EPHB1: variants seen among roughly 807,000 people sequenced by gnomAD.
EPHB1 encodes EPH receptor B1.
Under a neutral mutation model 94.4 loss-of-function variants are expected in EPHB1, and 30 were observed. The ratio of observed to expected loss-of-function variants is 0.32; its 90% CI spans 0.24 to 0.43. The LOEUF is 0.43. Ranked by LOEUF, EPHB1 falls within the 20% of genes least tolerant of loss-of-function variation. The pLI is 1.00. For synonymous variants in EPHB1, 522 were observed against 489.1 expected, an observed-to-expected ratio of 1.07 and a Z score of -0.89; for missense variants, 1,055 against 1,308.3, an observed-to-expected ratio of 0.81 and a Z score of 2.99.
At chr3:135,223,347 C>T (rs1207592046) in intron 12 of EPHB1, among the ~76,000 whole-genome samples, 2 of 152,232 alleles carry the variant, frequency 1.3e-5, no homozygotes, top group Non-Finnish European at 2.9e-5. Flanking sequence ...AGCAGCTCCT[C>T]TCTTACCTAT....
chr3:134,984,831 G>A (rs1934537011), intron 3 of EPHB1, among the ~76,000 whole-genome samples: 1 of 152,282 alleles, frequency 6.6e-6, no homozygotes. Flanking sequence ...CTGAGTGCGG[G>A]GGCTAGGGGC....
intron 4 of EPHB1, among the ~76,000 whole-genome samples, chr3:135,109,576 A>C (rs1368658751): frequency 1.3e-5 from 2 of 152,232 alleles, no homozygotes; most frequent in African/African-American, 4.8e-5. Context: ...TCTGAAAATA[A>C]AAGTGATGTT....
chr3:135,091,982 A>C (rs184085062), intron 3 of EPHB1, among the ~76,000 whole-genome samples: 21 of 152,326 alleles, frequency 1.4e-4, no homozygotes, highest in Non-Finnish European at 2.4e-4. Context: ...CTTGGTTATA[A>C]ATTTTTTTTA....
chr3:135,248,155 CA>C, intron 13 of EPHB1, among the ~76,000 whole-genome samples, 160 bp from the exon 14 acceptor site: 1 of 152,304 alleles, frequency 6.6e-6, no homozygotes, highest in South Asian at 2.1e-4. Flanking sequence ...GGGGATAAAC[CA>C]AGTGCACAGA....
intron 1 of EPHB1, among the ~76,000 whole-genome samples, chr3:134,880,593 C>A (rs1245741910): frequency 2.0e-5 from 3 of 152,232 alleles, no homozygotes; most frequent in African/African-American, 7.2e-5. Flanking sequence ...CCAACCACTT[C>A]CAAGGGTGTG....
At chr3:135,255,610 A>G (rs1286888810) in intron 15 of EPHB1, among the ~76,000 whole-genome samples, 2 of 148,952 alleles carry the variant, frequency 1.3e-5, no homozygotes, top group African/African-American at 2.5e-5. Context: ...GTTCTTTTAC[A>G]TTTGCTGAGG....
intron 12 of EPHB1, among the ~76,000 whole-genome samples, chr3:135,228,389 G>T (rs981422672): frequency 6.6e-6 from 1 of 151,938 alleles, no homozygotes; most frequent in African/African-American, 2.4e-5. Flanking sequence ...CGTGATGTTT[G>T]CCTGTCCTTT....
At chr3:134,908,315 C>T (rs2038379275) in intron 1 of EPHB1, among the ~76,000 whole-genome samples, 1 of 152,226 alleles carries the variant, frequency 6.6e-6, no homozygotes, top group Non-Finnish European at 1.5e-5. Context: ...TGTGACTCTG[C>T]AGCTCAGTGA....
At chr3:135,183,677 C>T (rs1297025199) in intron 10 of EPHB1, among the ~76,000 whole-genome samples, 1 of 152,118 alleles carries the variant, frequency 6.6e-6, no homozygotes, top group African/African-American at 2.4e-5. Flanking sequence ...CAGGAGAGGA[C>T]TCAGGGAAGA....
Position 134,812,537 on chromosome 3 carries a change from T to G in EPHB1, c.58+16848T>G, listed in dbSNP as rs188551316. On this transcript the variant is annotated intron_variant, in intron 1 of 15. Coordinates refer to ENST00000398015, the MANE Select transcript of EPHB1 (RefSeq NM_004441.5). ...CAGTTGGTGGACATTTGCTTATAGT[T>G]TTTGGCTTTTATAATTAAAGCTACT... Among the ~76,000 whole-genome samples, 189 of 152,364 alleles carry G rather than the reference T, an allele frequency of 1.2e-3. 1 individual carries two copies. Among genetic ancestry groups the G allele is most frequent in the African/African-American group, 3.9e-3 (163 of 41,574 alleles).
At chr3:135,107,466 C>A (rs531333469) in intron 4 of EPHB1, among the ~76,000 whole-genome samples, 1 of 152,302 alleles carries the variant, frequency 6.6e-6, no homozygotes, top group African/African-American at 2.4e-5. Flanking sequence ...GATGACCTCT[C>A]TTTTAAGTAT....
At chr3:135,134,286 C>A (rs79768146) in intron 5 of EPHB1, among the ~76,000 whole-genome samples, 4 of 152,214 alleles carry the variant, frequency 2.6e-5, no homozygotes, top group African/African-American at 7.2e-5. Context: ...GTATCTCCCC[C>A]TCCCTGACCT....
intron 9 of EPHB1, among the ~76,000 whole-genome samples, chr3:135,175,347 G>A (rs1016890637): frequency 1.3e-5 from 2 of 152,160 alleles, no homozygotes; most frequent in South Asian, 2.1e-4. Flanking sequence ...CAAGGTTCTG[G>A]ACAGTGGCTA....
chr3:135,059,804 T>A (rs1937443613), intron 3 of EPHB1, among the ~76,000 whole-genome samples: 1 of 152,168 alleles, frequency 6.6e-6, no homozygotes, highest in South Asian at 2.1e-4. Flanking sequence ...GGGTTCTGAC[T>A]CCAGTTCTGC....
intron 6 of EPHB1, among the ~76,000 whole-genome samples, chr3:135,156,316 G>A (rs921825529): frequency 2.6e-5 from 4 of 152,128 alleles, no homozygotes; most frequent in African/African-American, 9.7e-5. Context: ...AAAGTCCTGA[G>A]CCTGGGTGAG....
intron 12 of EPHB1, among the ~76,000 whole-genome samples, chr3:135,229,939 A>G (rs190377946): frequency 6.6e-6 from 1 of 152,286 alleles, no homozygotes; most frequent in Non-Finnish European, 1.5e-5. Flanking sequence ...GAATGGCATC[A>G]TGGCCTACTG....
chr3:135,087,469 C>T (rs1938398720), intron 3 of EPHB1, among the ~76,000 whole-genome samples: 1 of 152,094 alleles, frequency 6.6e-6, no homozygotes, highest in African/African-American at 2.4e-5. Flanking sequence ...TGATTATTAG[C>T]CTAATGATGA....
At chr3:135,155,902 A>G (rs1373141574) in intron 6 of EPHB1, among the ~76,000 whole-genome samples, 2 of 151,934 alleles carry the variant, frequency 1.3e-5, no homozygotes, top group Non-Finnish European at 1.5e-5. Flanking sequence ...TGGATGGATC[A>G]TTTAAGCTGT....
chr3:135,250,234 A>G (rs1215627301), intron 15 of EPHB1, among the ~76,000 whole-genome samples: 4 of 152,232 alleles, frequency 2.6e-5, no homozygotes, highest in Non-Finnish European at 4.4e-5. Flanking sequence ...AAAGGAACCC[A>G]TTTAAAATTA....
Sources: allele counts gnomAD v4.1 joint callset (sites outside exome capture counted in the v4.1 genomes callset), GRCh38; gene constraint gnomAD v4.1.1; transcripts MANE v1.5; gene names NCBI Gene and HGNC (gene_info 2026-07-23, HGNC 2026-07-21).